The following PTPRN2 variants were observed in gnomAD, a reference collection of about 807,000 sequenced individuals.
PTPRN2 encodes the protein receptor-type tyrosine-protein phosphatase N2.
In PTPRN2, 74 loss-of-function variants were observed where a neutral mutation model predicts 118.8. That is an observed-to-expected ratio of 0.62 (90% confidence interval 0.52 to 0.76). PTPRN2 has a LOEUF of 0.76. PTPRN2 is among the 30% of genes least tolerant of loss of function. PTPRN2 has a pLI of 0.00. For missense variants in PTPRN2, 1,481 were observed against 1,394.4 expected (o/e 1.06, Z -0.99); for synonymous variants, 641 against 608.0 (o/e 1.05, Z -0.80).
At chr7:158,568,474 C>T (rs1416444983) in intron 1 of PTPRN2, among the ~76,000 whole-genome samples, 1 of 151,836 alleles carries the variant, frequency 6.6e-6, no homozygotes, top group Non-Finnish European at 1.5e-5. Context: ...AAAAAAACAG[C>T]TTTTAGAGTA....
chr7:158,541,735 C>G, intron 1 of PTPRN2: 1 of 1,206,742 alleles, frequency 8.3e-7, no homozygotes, highest in Non-Finnish European at 1.1e-6. Flanking sequence ...TAAAGCTTGC[C>G]GCAGCTCAGA....
At chr7:157,693,575 G>A (rs1182774597) in intron 12 of PTPRN2, among the ~76,000 whole-genome samples, 1 of 152,074 alleles carries the variant, frequency 6.6e-6, no homozygotes, top group Non-Finnish European at 1.5e-5. Context: ...GGAGCACAGG[G>A]GCGGGCGACG....
At chr7:157,834,665 G>T (rs1170017532) in intron 12 of PTPRN2, among the ~76,000 whole-genome samples, 1 of 152,248 alleles carries the variant, frequency 6.6e-6, no homozygotes. Context: ...GGGTGTGCTT[G>T]TGTGTGCAGA....
intron 2 of PTPRN2, among the ~76,000 whole-genome samples, chr7:158,439,266 C>G (rs1373405075): frequency 6.6e-6 from 1 of 151,782 alleles, no homozygotes. Context: ...CCTGCGCATG[C>G]CTCAGCCCCC....
chr7:158,374,707 T>C (rs528037213), intron 2 of PTPRN2, among the ~76,000 whole-genome samples: 50 of 152,228 alleles, frequency 3.3e-4, no homozygotes, highest in African/African-American at 1.1e-3. Flanking sequence ...AATTAAAGAA[T>C]GCCCTGCGGA....
At chr7:158,233,610 A>G (rs78082954) in intron 3 of PTPRN2, among the ~76,000 whole-genome samples, 1 of 152,292 alleles carries the variant, frequency 6.6e-6, no homozygotes, top group East Asian at 1.9e-4. Flanking sequence ...CTCTTCACAG[A>G]AAGAAAAATC....
At chr7:158,467,200 G>A (rs906421875) in intron 2 of PTPRN2, among the ~76,000 whole-genome samples, 1 of 152,154 alleles carries the variant, frequency 6.6e-6, no homozygotes, top group African/African-American at 2.4e-5. Flanking sequence ...TCAGCCATCT[G>A]TATGTCCTCT....
chr7:158,095,805 C>G (rs1349728402), intron 10 of PTPRN2, among the ~76,000 whole-genome samples: 1 of 152,180 alleles, frequency 6.6e-6, no homozygotes, highest in Admixed American at 6.5e-5. Context: ...CTCAAAACTC[C>G]TGGTCTCCAG....
rs995953809 is a variant in PTPRN2, at chr7:157,722,147, C to G, written c.1789-39210G>C. ...CACCCTCACGTGTCTGTGAGGTCAG[C>G]TCCCCACGCCCTGGTCCTCCCCACC... On this transcript the variant is annotated intron_variant, in intron 12 of 22. Coordinates refer to ENST00000389418, the MANE Select transcript of PTPRN2 (RefSeq NM_002847.5). Among the ~76,000 whole-genome samples the G allele has an allele frequency of 2.6e-5, 4 of 152,218 alleles. No homozygotes were observed. In the East Asian group the frequency reaches 7.7e-4, roughly 29 times the overall value.
intron 3 of PTPRN2, among the ~76,000 whole-genome samples, chr7:158,310,823 C>T (rs1801661024): frequency 7.0e-6 from 1 of 143,204 alleles, no homozygotes; most frequent in African/African-American, 2.6e-5. Context: ...GGAGGGCGAG[C>T]CCTGAGCCGG....
intron 4 of PTPRN2, among the ~76,000 whole-genome samples, chr7:158,194,320 G>A (rs897999904): frequency 6.6e-6 from 1 of 152,188 alleles, no homozygotes; most frequent in Non-Finnish European, 1.5e-5. Flanking sequence ...ATAATTAATT[G>A]AGTGCGTCAT....
chr7:158,239,758 C>G (rs1464174279), intron 3 of PTPRN2, among the ~76,000 whole-genome samples: 1 of 152,214 alleles, frequency 6.6e-6, no homozygotes, highest in Non-Finnish European at 1.5e-5. Flanking sequence ...TGGATGCACG[C>G]CAAGACAAGA....
chr7:158,127,853 A>C (rs1299729702), intron 9 of PTPRN2, among the ~76,000 whole-genome samples: 1 of 152,160 alleles, frequency 6.6e-6, no homozygotes, highest in Non-Finnish European at 1.5e-5. Context: ...AATCATTTTA[A>C]AGTTGTCCTT....
intron 9 of PTPRN2, among the ~76,000 whole-genome samples, chr7:158,130,552 C>T (rs1460409383): frequency 2.0e-5 from 3 of 150,596 alleles, no homozygotes; most frequent in African/African-American, 7.4e-5. Flanking sequence ...ACACATCTAC[C>T]CCACATACAC....
At chr7:158,522,822 T>C (rs76842515) in intron 1 of PTPRN2, among the ~76,000 whole-genome samples, 6,652 of 152,058 alleles carry the variant, frequency 0.044, 203 homozygotes, top group Non-Finnish European at 0.068. Flanking sequence ...CCATCACGAG[T>C]TCTTCCAACA....
chr7:157,540,707 C>T lies in PTPRN2; in HGVS notation c.*7G>A. Reference sequence around the variant, plus strand: ...GGGGGCTCCCCTGAGGCCCCTGAGGCTGCCGCTCACTGGGGAAGGGCCTTG... The same window carrying T: ...GGGGGCTCCCCTGAGGCCCCTGAGGTTGCCGCTCACTGGGGAAGGGCCTTG... On this transcript the variant is annotated 3_prime_UTR_variant, in exon 23 of 23. Transcript: ENST00000389418. 1 of 1,552,534 alleles carries T rather than the reference C, an allele frequency of 6.4e-7. No homozygotes were observed. Among genetic ancestry groups the T allele is most frequent in the Non-Finnish European group, 8.7e-7 (1 of 1,145,582 alleles).
intron 2 of PTPRN2, 54 bp downstream of exon 2, chr7:158,489,681 C>T (rs111303800): frequency 3.3e-6 from 5 of 1,520,272 alleles, no homozygotes; most frequent in East Asian, 2.5e-5. Context: ...GCGCTGCGCA[C>T]GGCGGGCAGG....
chr7:157,978,284 G>A (rs1802898350), intron 11 of PTPRN2, among the ~76,000 whole-genome samples: 1 of 151,960 alleles, frequency 6.6e-6, no homozygotes, highest in Non-Finnish European at 1.5e-5. Context: ...CGCCATCTCC[G>A]CCGTCAGGAG....
At chr7:157,623,691 GT>G (rs1803398105) in intron 14 of PTPRN2, among the ~76,000 whole-genome samples, 1 of 152,220 alleles carries the variant, frequency 6.6e-6, no homozygotes. Flanking sequence ...AGGTTGGGTG[GT>G]AGGAGGGAGG....
Sources: allele counts gnomAD v4.1 joint callset (sites outside exome capture counted in the v4.1 genomes callset), GRCh38; gene constraint gnomAD v4.1.1; transcripts MANE v1.5; gene names NCBI Gene and HGNC (gene_info 2026-07-23, HGNC 2026-07-21).